The following ORAI2 variants were observed in gnomAD, a reference collection of about 807,000 sequenced individuals.
ORAI2 encodes ORAI calcium release-activated calcium modulator 2.
A neutral mutation model predicts 16.2 loss-of-function variants in ORAI2; 10 were observed. The ratio of observed to expected loss-of-function variants is 0.62; its 90% CI spans 0.38 to 1.04. The LOEUF (loss-of-function observed/expected upper bound fraction) is 1.04, where lower values mean the gene tolerates loss of function less well. Among genes scored for constraint, ORAI2 ranks in the 50% least tolerant of loss-of-function variants. The pLI, the probability that ORAI2 is intolerant of heterozygous loss-of-function variation, is 0.01. For missense variants in ORAI2, 238 were observed against 355.5 expected, an observed-to-expected ratio of 0.67 and a Z score of 2.66; for synonymous variants, 150 against 157.5, an observed-to-expected ratio of 0.95 and a Z score of 0.35.
At chr7:102,441,553 GA>G (rs1190394955) in intron 3 of ORAI2, among the ~76,000 whole-genome samples, 38 of 129,310 alleles carry the variant, frequency 2.9e-4, no homozygotes, top group Admixed American at 6.3e-4. Flanking sequence ...AAAAAAAAAA[GA>G]AAAAAAAAAA....
chr7:102,454,678 C>T lies in ORAI2; in HGVS notation c.*7626C>T, dbSNP rs1009538534. On this transcript the variant is annotated 3_prime_UTR_variant, in exon 4 of 4. Coordinates refer to ENST00000495936, the MANE Select transcript of ORAI2 (RefSeq NM_001126340.3). ...TCTGGAGCGGGATGTCTCCAGAAGC[C>T]GCCCTTGGAGCGGGCACTTCCCTAT... 2.0e-5 allele frequency: 3 copies of T among 152,298 alleles called. No homozygotes were observed. The highest frequency in any genetic ancestry group is 1.9e-4 in the East Asian group (1 of 5,192). The allele number at this position is 152,298 out of a possible 1,614,324, so 9.4% of individuals were successfully genotyped here. A position where few individuals can be genotyped will look rare whatever the true frequency, so the allele number is the denominator to read the frequency against.
At chr7:102,435,224 T>C (rs906623144) in intron 1 of ORAI2, among the ~76,000 whole-genome samples, 6 of 152,142 alleles carry the variant, frequency 3.9e-5, no homozygotes, top group Admixed American at 1.3e-4. Context: ...GGAGCTGAGA[T>C]TGTGCCACTG....
In ORAI2 at chr7:102,452,376, A is replaced by G; in HGVS notation, c.*5324A>G. 6.6e-6 allele frequency: 1 copy of G among 152,176 alleles called. No individual in the cohort carries two copies. Among genetic ancestry groups the G allele is most frequent in the Non-Finnish European group, 1.5e-5 (1 of 68,078 alleles). The allele number at this position is 152,176 out of a possible 1,614,324, so 9.4% of individuals were successfully genotyped here. ...CAACTCATGACCTCGTGATCTGCCC[A>G]CCTCGGCCTCCCAAAGTGCTGGGAT... On this transcript the variant is annotated 3_prime_UTR_variant, in exon 4 of 4. Transcript: ENST00000495936.
At position 102,450,388 on chromosome 7, in the gene ORAI2, T is replaced by C; in HGVS notation, c.*3336T>C. ...CCCTGCTGGGCCTTCTCCTGCCACC[T>C]ACCTTCCTGGACCATCTGTGCCCCT... is the stretch of plus-strand genomic sequence containing the variant. On this transcript the variant is annotated 3_prime_UTR_variant, in exon 4 of 4. Coordinates refer to ENST00000495936, the MANE Select transcript of ORAI2 (RefSeq NM_001126340.3). 6.6e-6 allele frequency: 1 copy of C among 152,544 alleles called. No individual in the cohort carries two copies. The highest frequency in any genetic ancestry group is 1.5e-5 in the Non-Finnish European group (1 of 68,204). The allele number at this position is 152,544 out of a possible 1,614,324, so 9.4% of individuals were successfully genotyped here. A position where few individuals can be genotyped will look rare whatever the true frequency, so the allele number is the denominator to read the frequency against.
At position 102,447,228 on chromosome 7, in the gene ORAI2, T is replaced by C; in HGVS notation, c.*176T>C. The C allele has an allele frequency of 1.3e-6, 1 of 745,536 alleles. No individual in the cohort carries two copies. Among genetic ancestry groups the C allele is most frequent in the Non-Finnish European group, 2.1e-6 (1 of 473,140 alleles). 46.2% of individuals were successfully genotyped at this position (745,536 alleles called of 1,614,324 possible). The stretch of plus-strand genomic sequence containing the variant: ...CCTGAGATAGAACCGTTTGGTTCAA[T>C]GAGGGACTGTGTTGCTAAGAGCGTT... On this transcript the variant is annotated 3_prime_UTR_variant, in exon 4 of 4. Transcript: ENST00000495936.
intron 3 of ORAI2, among the ~76,000 whole-genome samples, chr7:102,440,269 T>G (rs1001613207): frequency 6.6e-6 from 1 of 152,120 alleles, no homozygotes; most frequent in African/African-American, 2.4e-5. Context: ...CAGTTAGCGA[T>G]GCAGACGTTC....
At position 102,447,891 on chromosome 7, in the gene ORAI2, C is replaced by G. The variant is rs3800985; in HGVS notation, c.*839C>G. ...CGGGGTGGGGAAAGGACCCCTCCCCCACCCCCCGCAGCCACTGGCCTCCAG... is the reference window on the plus strand; with the variant it reads ...CGGGGTGGGGAAAGGACCCCTCCCCGACCCCCCGCAGCCACTGGCCTCCAG... On this transcript the variant is annotated 3_prime_UTR_variant, in exon 4 of 4. Coordinates refer to ENST00000495936, the MANE Select transcript of ORAI2 (RefSeq NM_001126340.3). 78,845 of 152,452 alleles carry G rather than the reference C, an allele frequency of 0.52. 21,526 individuals are homozygous for G. Among genetic ancestry groups the G allele is most frequent in the Middle Eastern group, 0.74 (217 of 294 alleles). 9.4% of individuals were successfully genotyped at this position (152,452 alleles called of 1,614,324 possible).
At chr7:102,444,414 G>A (rs556949215) in intron 3 of ORAI2, among the ~76,000 whole-genome samples, 62 of 151,568 alleles carry the variant, frequency 4.1e-4, no homozygotes, top group Non-Finnish European at 6.5e-4. Flanking sequence ...CACCATGCCC[G>A]GTTCATTTTT....
chr7:102,444,495 C>T (rs993645369), intron 3 of ORAI2, among the ~76,000 whole-genome samples: 4 of 56,238 alleles, frequency 7.1e-5, no homozygotes, highest in Non-Finnish European at 1.7e-4. Context: ...TCAAGTGATC[C>T]GCCCCCCCCC....
intron 3 of ORAI2, 96 bp from the exon 4 acceptor site, chr7:102,446,417 A>C (rs933293619): frequency 2.0e-5 from 27 of 1,335,954 alleles, no homozygotes; most frequent in Non-Finnish European, 2.7e-5. Context: ...TGTCCCCCGA[A>C]CCTGGCCCAG....
Position 102,455,117 on chromosome 7 carries a change from G to A in ORAI2, c.*8065G>A, listed in dbSNP as rs1343468998. Reference sequence around the variant, plus strand: ...GGATCACTTGAGCCCAGGAGTTCAAGGCTGCAGTGAGCCATGATTGCGCCA... The same window carrying A: ...GGATCACTTGAGCCCAGGAGTTCAAAGCTGCAGTGAGCCATGATTGCGCCA... On this transcript the variant is annotated 3_prime_UTR_variant, in exon 4 of 4. Coordinates refer to ENST00000495936, the MANE Select transcript of ORAI2 (RefSeq NM_001126340.3). 6.6e-6 allele frequency: 1 copy of A among 152,574 alleles called. No homozygotes were observed. Among genetic ancestry groups the A allele is most frequent in the Non-Finnish European group, 1.5e-5 (1 of 68,344 alleles). The allele number at this position is 152,574 out of a possible 1,614,324, so 9.5% of individuals were successfully genotyped here.
intron 3 of ORAI2, 53 bp from the exon 4 acceptor site, chr7:102,446,460 G>C: frequency 6.5e-7 from 1 of 1,540,812 alleles, no homozygotes; most frequent in Non-Finnish European, 8.7e-7. Context: ...GCCCTGGTGG[G>C]GCCATACCTT....
intron 1 of ORAI2, among the ~76,000 whole-genome samples, chr7:102,435,473 A>C (rs139321333): frequency 1.3e-5 from 2 of 151,314 alleles, no homozygotes; most frequent in African/African-American, 2.4e-5. Context: ...TGAGGCAGCC[A>C]GTCCTCTGCT....
In ORAI2 at chr7:102,447,098, G is replaced by C; in HGVS notation, c.*46G>C. On this transcript the variant is annotated 3_prime_UTR_variant, in exon 4 of 4. Transcript: ENST00000495936. ...GGAGCGGCCCTGTGCCCGGGAGTCC[G>C]CAGAGGCGGGGATTTGTCAGATGCA... 1 of 1,467,356 alleles carries C rather than the reference G, an allele frequency of 6.8e-7. No homozygotes were observed. The highest frequency in any genetic ancestry group is 2.1e-4 in the Middle Eastern group (1 of 4,668). The allele number at this position is 1,467,356 out of a possible 1,614,324, so 90.9% of individuals were successfully genotyped here.
chr7:102,445,367 G>A (rs1333523848), intron 3 of ORAI2, among the ~76,000 whole-genome samples: 1 of 151,558 alleles, frequency 6.6e-6, no homozygotes, highest in Non-Finnish European at 1.5e-5. Flanking sequence ...GGGCTCAAGC[G>A]ATCCTCCTGC....
In ORAI2 at chr7:102,439,358, G is replaced by A. The variant is rs377065329; in HGVS notation, c.225+177G>A. Among the ~76,000 whole-genome samples the A allele has an allele frequency of 1.8e-4, 27 of 152,334 alleles. No individual in the cohort carries two copies. In the East Asian group the frequency reaches 4.2e-3, roughly 24 times the overall value. ...AGAGGACGACTCTATCAGTGCGAGT[G>A]GGGGCGCTGGGAGTTGCCAGGGGCT... is the stretch of plus-strand genomic sequence containing the variant. On this transcript the variant is annotated intron_variant, in intron 3 of 3. Transcript: ENST00000495936.
chr7:102,445,164 C>CATGCCTCCTT (rs1563637715), intron 3 of ORAI2, among the ~76,000 whole-genome samples: 7 of 151,556 alleles, frequency 4.6e-5, no homozygotes, highest in Admixed American at 1.3e-4. Context: ...GATGCCGGCT[C>CATGCCTCCTT]TCACTGGGCT....
rs971826533 is a variant in ORAI2 at position 102,454,024 on chromosome 7, C to A, written c.*6972C>A. On this transcript the variant is annotated 3_prime_UTR_variant, in exon 4 of 4. Transcript: ENST00000495936. Reference sequence around the variant, plus strand: ...GATTATAGGCGTGAGCCACCTCGTCCGGCCCAAGACTTTTTGCCTCAGATG... The same window carrying A: ...GATTATAGGCGTGAGCCACCTCGTCAGGCCCAAGACTTTTTGCCTCAGATG... The A allele has an allele frequency of 9.8e-5, 15 of 152,324 alleles. No homozygotes were observed. The highest frequency in any genetic ancestry group is 3.6e-4 in the African/African-American group (15 of 41,468). The allele number at this position is 152,324 out of a possible 1,614,324, so 9.4% of individuals were successfully genotyped here. A position where few individuals can be genotyped will look rare whatever the true frequency, so the allele number is the denominator to read the frequency against.
chr7:102,437,386 G>A (rs1343245191), intron 2 of ORAI2, among the ~76,000 whole-genome samples: 2 of 152,092 alleles, frequency 1.3e-5, no homozygotes, highest in Admixed American at 6.6e-5. Flanking sequence ...AGGCTGAGAC[G>A]GGCAGATCAC....
Sources: allele counts gnomAD v4.1 joint callset (sites outside exome capture counted in the v4.1 genomes callset), GRCh38; gene constraint gnomAD v4.1.1; transcripts MANE v1.5; gene names NCBI Gene and HGNC (gene_info 2026-07-23, HGNC 2026-07-21).